The following ANKIB1 variants were observed in gnomAD, a reference collection of about 807,000 sequenced individuals.
The protein encoded by ANKIB1 is ankyrin repeat and IBR domain containing 1, also known as ankyrin repeat and IBR domain-containing protein 1.
A neutral mutation model predicts 122.1 loss-of-function variants in ANKIB1; 43 were observed. The ratio of observed to expected loss-of-function variants is 0.35; its 90% CI spans 0.28 to 0.45. The LOEUF is 0.45. Ranked by LOEUF, ANKIB1 falls within the 20% of genes least tolerant of loss-of-function variation. ANKIB1 has a pLI of 1.00. For synonymous variants in ANKIB1, 390 were observed against 442.0 expected (o/e 0.88, Z 1.48); for missense variants, 992 against 1,329.5 (o/e 0.75, Z 3.95).
At chr7:92,309,130 T>C (rs1230942158) in intron 3 of ANKIB1, among the ~76,000 whole-genome samples, 2 of 152,232 alleles carry the variant, frequency 1.3e-5, no homozygotes, top group Non-Finnish European at 2.9e-5. Flanking sequence ...ACTGCTAATG[T>C]TTGTGATACT....
chr7:92,319,294 C>T (rs1802856878), intron 3 of ANKIB1, 36 bp from the exon 4 acceptor site: 7 of 1,320,450 alleles, frequency 5.3e-6, no homozygotes, highest in African/African-American at 1.5e-5. Context: ...TTATTTGAAC[C>T]TGTAGTTGCA....
chr7:92,250,286 G>C (rs182688190), intron 1 of ANKIB1, among the ~76,000 whole-genome samples: 1 of 152,028 alleles, frequency 6.6e-6, no homozygotes, highest in Non-Finnish European at 1.5e-5. Context: ...CCAGCTACTC[G>C]GGAGGCTGAG....
At chr7:92,326,252 C>T (rs747608814) in intron 4 of ANKIB1, among the ~76,000 whole-genome samples, 3 of 152,070 alleles carry the variant, frequency 2.0e-5, no homozygotes, top group Non-Finnish European at 4.4e-5. Flanking sequence ...TCATATTATC[C>T]CTTCTTTCTT....
At chr7:92,397,898 T>C in intron 19 of ANKIB1, 39 bp downstream of exon 19, 1 of 1,582,248 alleles carries the variant, frequency 6.3e-7, no homozygotes, top group Non-Finnish European at 8.5e-7. Context: ...GTGCTTTTAC[T>C]CTTTCTCTGC....
intron 11 of ANKIB1, among the ~76,000 whole-genome samples, chr7:92,371,950 G>GGGGTGT (rs1347607106): frequency 3.4e-5 from 4 of 118,146 alleles, no homozygotes; most frequent in South Asian, 6.8e-4. Context: ...TTGAGAGAGG[G>GGGGTGT]GTGTGTGTGT....
intron 9 of ANKIB1, among the ~76,000 whole-genome samples, chr7:92,354,119 A>G (rs1275472998): frequency 6.6e-6 from 1 of 152,176 alleles, no homozygotes; most frequent in African/African-American, 2.4e-5. Flanking sequence ...GTTTGTCCCC[A>G]TTCTCTTTGT....
rs532352899 is a variant in ANKIB1, at chr7:92,307,401, G to A, written c.231G>A (p.Val77=). 199 of 1,613,822 alleles carry A rather than the reference G, an allele frequency of 1.2e-4. 2 individuals carry two copies. In the South Asian group the frequency reaches 1.9e-3, roughly 15 times the overall value. The change falls in exon 3 of 20, where the codon GTG becomes GTA. Residue 77 remains valine (V), a synonymous_variant. Transcript: ENST00000265742. ...ATGGAAATCCAAATAAACGGAATGT[G>A]CACAATGAAACATCTATGCATTTGT... is the stretch of plus-strand genomic sequence containing the variant. ...GRDGNPNKRN[V]HNETSMHLLC...
intron 2 of ANKIB1, among the ~76,000 whole-genome samples, chr7:92,304,912 A>G (rs989068990): frequency 3.3e-5 from 5 of 152,184 alleles, no homozygotes; most frequent in Admixed American, 2.0e-4. Flanking sequence ...GAATTATTCC[A>G]TGTTCCCTTA....
intron 2 of ANKIB1, among the ~76,000 whole-genome samples, chr7:92,305,544 T>G (rs576035981): frequency 2.5e-4 from 38 of 152,228 alleles, no homozygotes; most frequent in Admixed American, 1.4e-3. Flanking sequence ...TAAAATGTAA[T>G]GAGTTATGTA....
intron 11 of ANKIB1, among the ~76,000 whole-genome samples, chr7:92,373,705 A>G (rs1466294885): frequency 6.6e-6 from 1 of 152,208 alleles, no homozygotes; most frequent in Non-Finnish European, 1.5e-5. Flanking sequence ...GAATCCATGC[A>G]CTGACATAAT....
At position 92,392,249 on chromosome 7, in the gene ANKIB1, G is replaced by A; in HGVS notation, c.2240G>A (p.Gly747Asp). ...GTCTAATTTCTTTGTAGCTTTGCTG[G>A]TGGAACATGGGATTGGGAATATTTA... ...SPEAPRRSFA[G>D]GTWDWEYLGF... is the part of the protein sequence containing the mutation. Residue 747 changes from glycine to aspartate, a missense_variant, in exon 17 of 20, where the codon GGT (glycine) becomes GAT (aspartate). Physicochemically the swap from Gly to Asp is moderately conservative, Grantham distance 94. Coordinates refer to ENST00000265742, the MANE Select transcript of ANKIB1 (RefSeq NM_019004.2). The A allele has an allele frequency of 6.2e-7, 1 of 1,610,608 alleles. No homozygotes were observed.
intron 1 of ANKIB1, among the ~76,000 whole-genome samples, chr7:92,256,188 G>A (rs968530649): frequency 6.6e-6 from 1 of 152,198 alleles, no homozygotes; most frequent in African/African-American, 2.4e-5. Flanking sequence ...CATTCTAGGA[G>A]CTTTAGTAGT....
intron 5 of ANKIB1, among the ~76,000 whole-genome samples, chr7:92,340,253 C>T (rs1803407638): frequency 6.6e-6 from 1 of 152,154 alleles, no homozygotes; most frequent in Non-Finnish European, 1.5e-5. Context: ...CCTCAGTTTC[C>T]TGAGGGTCAC....
intron 9 of ANKIB1, 52 bp downstream of exon 9, chr7:92,352,694 TATTA>T: frequency 2.6e-6 from 4 of 1,538,280 alleles, no homozygotes; most frequent in Non-Finnish European, 1.7e-6. Context: ...TTCCAATAGT[TATTA>T]AAGACTTTGC....
intron 10 of ANKIB1, among the ~76,000 whole-genome samples, chr7:92,363,888 ATTCCT>A (rs906599881): frequency 3.3e-5 from 5 of 152,236 alleles, no homozygotes; most frequent in African/African-American, 4.8e-5. Flanking sequence ...AATGAAAGAG[ATTCCT>A]TTCACTTGTT....
At chr7:92,336,517 A>G (rs1335855354) in intron 5 of ANKIB1, among the ~76,000 whole-genome samples, 2 of 152,080 alleles carry the variant, frequency 1.3e-5, no homozygotes, top group Admixed American at 6.6e-5. Context: ...CCACATGTCT[A>G]GTAATTTGGA....
intron 10 of ANKIB1, 57 bp from the exon 11 acceptor site, chr7:92,371,420 C>A: frequency 6.8e-7 from 1 of 1,473,938 alleles, no homozygotes; most frequent in Non-Finnish European, 9.2e-7. Context: ...TTTTTTTTTC[C>A]CCCAGAAGTT....
At chr7:92,389,370 G>C (rs535157200) in intron 14 of ANKIB1, among the ~76,000 whole-genome samples, 1 of 151,504 alleles carries the variant, frequency 6.6e-6, no homozygotes, top group Admixed American at 6.6e-5. Flanking sequence ...TGAAAACCTA[G>C]ACTGTTATAA....
At chr7:92,379,117 G>A (rs371010821) in intron 11 of ANKIB1, among the ~76,000 whole-genome samples, 5 of 152,210 alleles carry the variant, frequency 3.3e-5, no homozygotes, top group African/African-American at 4.8e-5. Flanking sequence ...TAGGCTGGGC[G>A]CGGTGGCTCA....
Sources: gnomAD v4.1 joint callset for allele counts (sites outside exome capture counted in the v4.1 genomes callset) on GRCh38, gnomAD v4.1.1 for gene constraint, MANE v1.5 for transcripts, NCBI Gene and HGNC (gene_info 2026-07-23, HGNC 2026-07-21) for gene names.